BLTP1: variants seen among roughly 807,000 people sequenced by gnomAD.
BLTP1 encodes the protein fragile site-associated protein.
chr4:122,339,746 A>G, the BLTP1 span, among the ~76,000 whole-genome samples: 3 of 152,174 alleles, frequency 2.0e-5, no homozygotes, highest in Non-Finnish European at 4.4e-5. Context: ...CTTAAGCTAC[A>G]TTTGACATTA....
the BLTP1 span, chr4:122,185,948 T>C: frequency 9.8e-7 from 1 of 1,024,058 alleles, no homozygotes; most frequent in Non-Finnish European, 1.4e-6. Context: ...ATAAATTGAA[T>C]TACTTTGGGT....
At chr4:122,191,736 C>T in the BLTP1 span, among the ~76,000 whole-genome samples, 1 of 152,044 alleles carries the variant, frequency 6.6e-6, no homozygotes, top group African/African-American at 2.4e-5. Flanking sequence ...TATTAAAATA[C>T]TCCTCCCTTT....
chr4:122,313,612 G>T, the BLTP1 span: 1 of 1,562,732 alleles, frequency 6.4e-7, no homozygotes, highest in Non-Finnish European at 8.7e-7. Context: ...CTATTTTTGG[G>T]GTGATTTTTG....
the BLTP1 span, chr4:122,155,877 TG>T: frequency 3.4e-6 from 1 of 297,508 alleles, no homozygotes; most frequent in Non-Finnish European, 5.0e-6. Context: ...AATTAAGAAA[TG>T]GAGATGGATT....
the BLTP1 span, chr4:122,198,400 T>G: frequency 4.1e-6 from 4 of 985,370 alleles, no homozygotes; most frequent in Non-Finnish European, 4.8e-6. Flanking sequence ...CTTTTACAGG[T>G]GTATGATGGG....
chr4:122,328,217 A>C, the BLTP1 span: 7 of 1,611,438 alleles, frequency 4.3e-6, no homozygotes, highest in South Asian at 4.4e-5. Flanking sequence ...AAACTCCAGG[A>C]GGCTTTTCAC....
At chr4:122,305,534 C>T in the BLTP1 span, 33 of 984,652 alleles carry the variant, frequency 3.4e-5, no homozygotes, top group Non-Finnish European at 3.6e-5. Context: ...AAAACTGAAT[C>T]GCTGCATTAA....
the BLTP1 span, chr4:122,346,382 T>TA: frequency 4.8e-6 from 4 of 830,304 alleles, no homozygotes; most frequent in Non-Finnish European, 5.8e-6. Context: ...CTTTAGAACT[T>TA]CTCTGAGGAT....
At chr4:122,345,078 A>C in the BLTP1 span, 1 of 937,296 alleles carries the variant, frequency 1.1e-6, no homozygotes, top group South Asian at 4.9e-5. Flanking sequence ...CTGAGTAAAA[A>C]CTTTCATAAT....
chr4:122,317,946 C>T, the BLTP1 span: 5 of 167,428 alleles, frequency 3.0e-5, no homozygotes, highest in African/African-American at 1.2e-4. Flanking sequence ...GGATAAGACA[C>T]ATTTCCTCAA....
the BLTP1 span, chr4:122,196,607 CATT>C: frequency 6.4e-7 from 1 of 1,559,312 alleles, no homozygotes; most frequent in Non-Finnish European, 8.7e-7. Context: ...AATAACATGT[CATT>C]ATTCTTTCTA....
chr4:122,270,645 GA>G, the BLTP1 span, among the ~76,000 whole-genome samples: 137 of 138,010 alleles, frequency 9.9e-4, no homozygotes, highest in African/African-American at 3.0e-3. Context: ...CAGATTGTAG[GA>G]GGGGGGGATG....
At chr4:122,320,307 C>T in the BLTP1 span, among the ~76,000 whole-genome samples, 2 of 152,106 alleles carry the variant, frequency 1.3e-5, no homozygotes, top group African/African-American at 2.4e-5. Context: ...GACACCATGC[C>T]TGGCAGGATT....
the BLTP1 span, chr4:122,237,654 T>TTA: frequency 1.3e-6 from 1 of 761,790 alleles, no homozygotes; most frequent in Non-Finnish European, 1.6e-6. Flanking sequence ...GGATCTATAC[T>TTA]TATGTAGATA....
chr4:122,247,387 T>G, the BLTP1 span: 2 of 1,610,104 alleles, frequency 1.2e-6, no homozygotes, highest in Non-Finnish European at 1.7e-6. Flanking sequence ...ATGTTTTTTC[T>G]TGGCATATAT....
At chr4:122,187,280 A>G in the BLTP1 span, 2 of 1,378,520 alleles carry the variant, frequency 1.5e-6, no homozygotes, top group Non-Finnish European at 9.4e-7. Flanking sequence ...GTATTCCTTC[A>G]GATGATCATT....
At chr4:122,207,784 AC>A in the BLTP1 span, 1 of 1,052,202 alleles carries the variant, frequency 9.5e-7, no homozygotes, top group Non-Finnish European at 1.3e-6. Flanking sequence ...CTTTAGTGTC[AC>A]AGAGTTCCTG....
chr4:122,205,651 C>G, the BLTP1 span, among the ~76,000 whole-genome samples: 1 of 149,182 alleles, frequency 6.7e-6, no homozygotes, highest in Non-Finnish European at 1.5e-5. Context: ...TTCTCTCTCT[C>G]TCTCTCTCTC....
chr4:122,357,224 G>A, the BLTP1 span, among the ~76,000 whole-genome samples: 1 of 152,082 alleles, frequency 6.6e-6, no homozygotes, highest in Non-Finnish European at 1.5e-5. Context: ...TCATGAGCTT[G>A]CTAACATTGG....
Sources: gnomAD v4.1 joint callset for allele counts (sites outside exome capture counted in the v4.1 genomes callset) on GRCh38, gnomAD v4.1.1 for gene constraint, MANE v1.5 for transcripts, NCBI Gene and HGNC (gene_info 2026-07-23, HGNC 2026-07-21) for gene names.